The following FILIP1L variants were observed in gnomAD, a reference collection of about 807,000 sequenced individuals.
FILIP1L encodes filamin A-interacting protein 1-like.
A neutral mutation model predicts 96.6 loss-of-function variants in FILIP1L; 55 were observed. The ratio of observed to expected loss-of-function variants is 0.57; its 90% CI spans 0.46 to 0.71. FILIP1L has a LOEUF of 0.71. Among genes scored for constraint, FILIP1L ranks in the 30% least tolerant of loss-of-function variants. FILIP1L has a pLI of 0.00. For synonymous variants in FILIP1L, 467 were observed against 473.9 expected (o/e 0.99, Z 0.19); for missense variants, 1,304 against 1,321.2 (o/e 0.99, Z 0.20).
intron 1 of FILIP1L, among the ~76,000 whole-genome samples, chr3:100,076,165 A>G (rs1370223610): frequency 6.6e-6 from 1 of 152,216 alleles, no homozygotes; most frequent in African/African-American, 2.4e-5. Context: ...ACCCTTAAAA[A>G]TGTAAACAAT....
At chr3:100,030,616 C>A (rs547416000) in intron 1 of FILIP1L, among the ~76,000 whole-genome samples, 1 of 152,152 alleles carries the variant, frequency 6.6e-6, no homozygotes, top group African/African-American at 2.4e-5. Context: ...ACTCCAAGTT[C>A]AGTTCACCAT....
Position 99,930,873 on chromosome 3 carries a change from A to G in FILIP1L, c.148T>C (p.Cys50Arg), listed in dbSNP as rs1707458390. 1 of 1,612,932 alleles carries G rather than the reference A, an allele frequency of 6.2e-7. No individual in the cohort carries two copies. The highest frequency in any genetic ancestry group is 2.2e-5 in the East Asian group (1 of 44,788). The change falls in exon 2 of 6, where the codon TGT (cysteine) becomes CGT (arginine). Residue 50 changes from cysteine (C) to arginine (R), a missense_variant. Coordinates refer to ENST00000477258, the MANE Select transcript of FILIP1L (RefSeq NM_001387850.1). ...SPSESDVILP[C>R]PKAEKPHSGN... ...CTGTGTGGCTTCTCTGCCTTGGGAC[A>G]CGGAAGTATTACATCCGACTCACTG... is the stretch of plus-strand genomic sequence containing the variant.
At chr3:99,885,941 C>G (rs1471032674) in intron 4 of FILIP1L, among the ~76,000 whole-genome samples, 1 of 152,176 alleles carries the variant, frequency 6.6e-6, no homozygotes, top group Non-Finnish European at 1.5e-5. Context: ...ATGGTAGCCT[C>G]CAACAACTAG....
At chr3:99,855,564 G>A (rs555114489) in intron 4 of FILIP1L, among the ~76,000 whole-genome samples, 77 of 152,258 alleles carry the variant, frequency 5.1e-4, no homozygotes, top group African/African-American at 1.6e-3. Flanking sequence ...AAGCCTGTGC[G>A]ATTTCCCCAC....
intron 4 of FILIP1L, among the ~76,000 whole-genome samples, chr3:99,877,020 A>G (rs1705557414): frequency 2.0e-5 from 3 of 152,236 alleles, no homozygotes. Flanking sequence ...GAAATTAGCC[A>G]AATGTGATTG....
chr3:100,094,674 CTTTTTTTTTTTTTTT>C (rs71132509), intron 1 of FILIP1L, among the ~76,000 whole-genome samples: 1 of 57,000 alleles, frequency 1.8e-5, no homozygotes, highest in Non-Finnish European at 3.2e-5. Context: ...GAAAAGCTGC[CTTTTTTTTTTTTTTT>C]TTTTTTTTTT....
intron 1 of FILIP1L, among the ~76,000 whole-genome samples, chr3:99,952,213 A>G (rs972299596): frequency 2.0e-5 from 3 of 151,800 alleles, no homozygotes; most frequent in African/African-American, 7.3e-5. Context: ...GTCAATTTCT[A>G]TTTGAGATCT....
intron 3 of FILIP1L, among the ~76,000 whole-genome samples, chr3:99,929,080 C>T (rs1465489923): frequency 6.6e-6 from 1 of 152,226 alleles, no homozygotes; most frequent in African/African-American, 2.4e-5. Context: ...AGCCTCAACT[C>T]ATGTTCCTAG....
intron 1 of FILIP1L, among the ~76,000 whole-genome samples, chr3:100,087,994 C>G (rs1284387654): frequency 6.6e-6 from 1 of 152,030 alleles, no homozygotes; most frequent in Non-Finnish European, 1.5e-5. Context: ...CCATGCCTGG[C>G]TAATTTTTAT....
Position 99,850,872 on chromosome 3 carries a change from C to T in FILIP1L, c.804G>A (p.Lys268=). 1 of 1,614,166 alleles carries T rather than the reference C, an allele frequency of 6.2e-7. No homozygotes were observed. The highest frequency in any genetic ancestry group is 8.5e-7 in the Non-Finnish European group (1 of 1,180,018). Residue 268 remains lysine (K), a synonymous_variant, in exon 5 of 6, where the codon AAG becomes AAA. Coordinates refer to ENST00000477258, the MANE Select transcript of FILIP1L (RefSeq NM_001387850.1). ...CAAGGGCTAGTTTGGTATGTGTTTC[C>T]TTTGCATTTGTGGTCAGCTCTTGGA... is the stretch of plus-strand genomic sequence containing the variant. The part of the protein sequence containing the change: ...QKIQELTTNA[K]ETHTKLALAE...
chr3:100,045,457 C>T (rs1437902711), intron 1 of FILIP1L, among the ~76,000 whole-genome samples: 1 of 152,110 alleles, frequency 6.6e-6, no homozygotes, highest in Non-Finnish European at 1.5e-5. Context: ...AAACCATTAG[C>T]TTTCATTGTG....
chr3:99,865,285 G>T (rs1469503974), intron 4 of FILIP1L, among the ~76,000 whole-genome samples: 3 of 152,160 alleles, frequency 2.0e-5, no homozygotes, highest in Non-Finnish European at 4.4e-5. Flanking sequence ...GGCAGAGCCA[G>T]AATGCCAGTG....
At chr3:100,071,090 CTTTTTTTT>C (rs61563009) in intron 1 of FILIP1L, among the ~76,000 whole-genome samples, 17 of 70,580 alleles carry the variant, frequency 2.4e-4, no homozygotes, top group South Asian at 1.6e-3. Context: ...GCTACTCTCT[CTTTTTTTT>C]TTTTTTTTTT....
chr3:100,110,583 A>G (rs2066474440), intron 1 of FILIP1L, among the ~76,000 whole-genome samples: 1 of 152,192 alleles, frequency 6.6e-6, no homozygotes. Flanking sequence ...AGAACGTAAA[A>G]AAAGAAATAA....
At chr3:100,080,423 G>A (rs2065914765) in intron 1 of FILIP1L, among the ~76,000 whole-genome samples, 1 of 152,072 alleles carries the variant, frequency 6.6e-6, no homozygotes, top group Non-Finnish European at 1.5e-5. Flanking sequence ...AATCACCCAG[G>A]GAACATGTTA....
chr3:99,943,308 C>CT (rs1707906670), intron 1 of FILIP1L, among the ~76,000 whole-genome samples: 1 of 152,266 alleles, frequency 6.6e-6, no homozygotes, highest in South Asian at 2.1e-4. Flanking sequence ...AGCCCTGACA[C>CT]TTTTTCAGAA....
At chr3:99,966,284 G>T (rs1007750933) in intron 1 of FILIP1L, among the ~76,000 whole-genome samples, 2 of 152,118 alleles carry the variant, frequency 1.3e-5, no homozygotes, top group African/African-American at 4.8e-5. Context: ...TCAACTCCAG[G>T]CAGATCTCCT....
chr3:99,876,354 G>T (rs1016735888), intron 4 of FILIP1L, among the ~76,000 whole-genome samples: 6 of 152,196 alleles, frequency 3.9e-5, no homozygotes, highest in African/African-American at 7.2e-5. Flanking sequence ...AACGGACCGT[G>T]GTTCCCGGCT....
At position 99,829,736 on chromosome 3, in the gene FILIP1L, T is replaced by G. The variant is rs1235557757; in HGVS notation, c.*678A>C. Among the ~76,000 whole-genome samples the G allele has an allele frequency of 6.6e-6, 1 of 152,214 alleles. No individual in the cohort carries two copies. The highest frequency in any genetic ancestry group is 1.5e-5 in the Non-Finnish European group (1 of 68,040). ...TGTATTTTTTCAAGCACCTGGAATA[T>G]TGATTCATGTCTCCCTAAAATATCT... On this transcript the variant is annotated 3_prime_UTR_variant, in exon 6 of 6. Coordinates refer to ENST00000477258, the MANE Select transcript of FILIP1L (RefSeq NM_001387850.1).
Sources: allele counts gnomAD v4.1 joint callset (sites outside exome capture counted in the v4.1 genomes callset), GRCh38; gene constraint gnomAD v4.1.1; transcripts MANE v1.5; gene names NCBI Gene and HGNC (gene_info 2026-07-23, HGNC 2026-07-21).